The following FAM110B variants were observed in gnomAD, a reference collection of about 807,000 sequenced individuals.
FAM110B encodes the protein family with sequence similarity 110 member B.
A neutral mutation model predicts 20.4 loss-of-function variants in FAM110B; 6 were observed. The ratio of observed to expected loss-of-function variants is 0.29; its 90% CI spans 0.16 to 0.58. FAM110B has a LOEUF of 0.58. FAM110B is among the 20% of genes least tolerant of loss of function. FAM110B has a pLI of 0.90. For synonymous variants in FAM110B, 226 were observed against 214.1 expected, an observed-to-expected ratio of 1.06 and a Z score of -0.49; for missense variants, 434 against 498.2, an observed-to-expected ratio of 0.87 and a Z score of 1.23.
chr8:58,087,919 A>G (rs1806378651), intron 3 of FAM110B, among the ~76,000 whole-genome samples: 1 of 152,206 alleles, frequency 6.6e-6, no homozygotes, highest in African/African-American at 2.4e-5. Context: ...TAAATTATCA[A>G]TGGGAAAGTA....
chr8:58,041,860 TGACA>T (rs1728256839), intron 2 of FAM110B, among the ~76,000 whole-genome samples: 1 of 152,242 alleles, frequency 6.6e-6, no homozygotes, highest in South Asian at 2.1e-4. Flanking sequence ...GGCAGATGGT[TGACA>T]GACAGCTGAC....
chr8:58,070,665 G>A (rs146846579), intron 2 of FAM110B, among the ~76,000 whole-genome samples: 8 of 152,276 alleles, frequency 5.3e-5, no homozygotes, highest in Non-Finnish European at 1.0e-4. Context: ...GCCCAATGTT[G>A]CATCAATTTG....
intron 3 of FAM110B, among the ~76,000 whole-genome samples, chr8:58,085,285 G>A (rs1806304477): frequency 6.6e-6 from 1 of 152,162 alleles, no homozygotes; most frequent in South Asian, 2.1e-4. Flanking sequence ...GTCCGGGGCA[G>A]GCAGATTACT....
chr8:58,078,098 C>A (rs1806082769), intron 3 of FAM110B, among the ~76,000 whole-genome samples: 1 of 152,156 alleles, frequency 6.6e-6, no homozygotes, highest in South Asian at 2.1e-4. Flanking sequence ...TTCCTAGATT[C>A]TTAAATTACA....
At chr8:58,143,438 T>G (rs553731267) in intron 3 of FAM110B, among the ~76,000 whole-genome samples, 1 of 152,260 alleles carries the variant, frequency 6.6e-6, no homozygotes, top group Non-Finnish European at 1.5e-5. Flanking sequence ...TGGGAAGGGG[T>G]AGAAGCCAAA....
At chr8:58,019,150 C>T (rs867569721) in intron 1 of FAM110B, among the ~76,000 whole-genome samples, 42 of 150,724 alleles carry the variant, frequency 2.8e-4, no homozygotes, top group African/African-American at 8.8e-4. Flanking sequence ...TCCTGGCCAA[C>T]GTGGTGAAAC....
At chr8:58,084,184 T>C (rs905206031) in intron 3 of FAM110B, among the ~76,000 whole-genome samples, 1 of 152,152 alleles carries the variant, frequency 6.6e-6, no homozygotes, top group Admixed American at 6.5e-5. Flanking sequence ...CTGAATCATA[T>C]ATAGTGGAGG....
At chr8:58,093,751 G>T (rs1806546657) in intron 3 of FAM110B, among the ~76,000 whole-genome samples, 1 of 152,172 alleles carries the variant, frequency 6.6e-6, no homozygotes, top group Admixed American at 6.5e-5. Flanking sequence ...GGTTCCGTAT[G>T]AAATTTACAG....
intron 3 of FAM110B, among the ~76,000 whole-genome samples, chr8:58,100,466 C>A (rs1806750405): frequency 6.6e-6 from 1 of 152,206 alleles, no homozygotes; most frequent in Non-Finnish European, 1.5e-5. Context: ...TGTTTTGTCT[C>A]ACAGCGCTGG....
chr8:58,019,375 A>C (rs576085280), intron 1 of FAM110B, among the ~76,000 whole-genome samples: 1 of 147,670 alleles, frequency 6.8e-6, no homozygotes, highest in East Asian at 2.0e-4. Context: ...AGAAAGAAAG[A>C]AAGAAAAGAA....
chr8:58,006,246 A>G (rs1472047384), intron 1 of FAM110B, among the ~76,000 whole-genome samples: 10 of 152,226 alleles, frequency 6.6e-5, no homozygotes, highest in Non-Finnish European at 5.9e-5. Flanking sequence ...GTTGCATATA[A>G]CTAAAACTTA....
intron 3 of FAM110B, among the ~76,000 whole-genome samples, chr8:58,096,801 TGTTTA>T (rs1256800830): frequency 2.6e-5 from 4 of 152,266 alleles, no homozygotes; most frequent in Non-Finnish European, 4.4e-5. Flanking sequence ...TTGCTTATGA[TGTTTA>T]GTTTGGTTGG....
chr8:58,062,784 A>G (rs1805684360), intron 2 of FAM110B, among the ~76,000 whole-genome samples: 1 of 152,208 alleles, frequency 6.6e-6, no homozygotes, highest in Non-Finnish European at 1.5e-5. Flanking sequence ...CATTTTCCCC[A>G]TCACTTAAAC....
intron 3 of FAM110B, among the ~76,000 whole-genome samples, chr8:58,142,273 G>A (rs1412602164): frequency 2.0e-5 from 3 of 152,166 alleles, no homozygotes; most frequent in Non-Finnish European, 2.9e-5. Context: ...CCCCTTTCCT[G>A]TTGCTACTCA....
At chr8:58,112,440 G>A (rs1199633289) in intron 3 of FAM110B, among the ~76,000 whole-genome samples, 1 of 152,330 alleles carries the variant, frequency 6.6e-6, no homozygotes, top group East Asian at 1.9e-4. Flanking sequence ...ACAGCCCCTT[G>A]TATAAAGCAA....
At chr8:58,000,164 A>G (rs1242061976) in intron 1 of FAM110B, among the ~76,000 whole-genome samples, 2 of 152,226 alleles carry the variant, frequency 1.3e-5, no homozygotes, top group South Asian at 2.1e-4. Flanking sequence ...GACAGGCAGA[A>G]CCTGCCCTTG....
intron 2 of FAM110B, among the ~76,000 whole-genome samples, chr8:58,061,669 A>G (rs1274820207): frequency 6.6e-6 from 1 of 152,232 alleles, no homozygotes; most frequent in African/African-American, 2.4e-5. Flanking sequence ...TGTCCTTCAC[A>G]CCACTTCCAG....
At chr8:58,063,125 C>T (rs1486365129) in intron 2 of FAM110B, among the ~76,000 whole-genome samples, 3 of 152,142 alleles carry the variant, frequency 2.0e-5, no homozygotes, top group African/African-American at 7.2e-5. Flanking sequence ...TGTAGGCAGG[C>T]AGTAGGCCAG....
At chr8:58,070,571 C>T (rs992530795) in intron 2 of FAM110B, among the ~76,000 whole-genome samples, 5 of 152,134 alleles carry the variant, frequency 3.3e-5, no homozygotes, top group Non-Finnish European at 7.3e-5. Flanking sequence ...TGGTATTCAC[C>T]AAGGAATAAT....
Sources: gnomAD v4.1 joint callset for allele counts (sites outside exome capture counted in the v4.1 genomes callset) on GRCh38, gnomAD v4.1.1 for gene constraint, MANE v1.5 for transcripts, NCBI Gene and HGNC (gene_info 2026-07-23, HGNC 2026-07-21) for gene names.